The following PDE4A variants were observed in gnomAD, a reference collection of about 807,000 sequenced individuals.
The protein encoded by PDE4A is 3',5'-cyclic-AMP phosphodiesterase 4A.
A neutral mutation model predicts 73.9 loss-of-function variants in PDE4A; 21 were observed. The observed-to-expected ratio is 0.28, with a 90% CI of 0.20 to 0.41. PDE4A has a LOEUF of 0.41. Among genes scored for constraint, PDE4A ranks in the 10% least tolerant of loss-of-function variants. PDE4A has a pLI of 1.00. For missense variants in PDE4A, 958 were observed against 1,211.4 expected (o/e 0.79, Z 3.10); for synonymous variants, 463 against 505.4 (o/e 0.92, Z 1.13).
chr19:10,432,260 C>T (rs2042802873), intron 1 of PDE4A, among the ~76,000 whole-genome samples: 1 of 151,830 alleles, frequency 6.6e-6, no homozygotes, highest in Non-Finnish European at 1.5e-5. Context: ...GCTCCCCTCC[C>T]CCGTGCAGAC....
intron 1 of PDE4A, chr19:10,423,157 CTT>C (rs61513692): frequency 0.045 from 33,408 of 741,246 alleles, 1 homozygote; most frequent in Non-Finnish European, 0.049. Flanking sequence ...AACCCTTTCT[CTT>C]TTTTTTTTTT....
chr19:10,428,190 A>ATTCT (rs2042741856), intron 1 of PDE4A, among the ~76,000 whole-genome samples: 1 of 152,052 alleles, frequency 6.6e-6, no homozygotes, highest in Non-Finnish European at 1.5e-5. Flanking sequence ...CATCTCTAGA[A>ATTCT]AAAGTACAAA....
chr19:10,455,845 A>G (rs56161554), intron 7 of PDE4A, among the ~76,000 whole-genome samples: 2,216 of 152,028 alleles, frequency 0.015, 63 homozygotes, highest in African/African-American at 0.051. Context: ...GAATTTCCAA[A>G]CTTGGATTGA....
In PDE4A at chr19:10,461,858, G is replaced by A; in HGVS notation, c.1621-19G>A. 1 of 1,609,508 alleles carries A rather than the reference G, an allele frequency of 6.2e-7. No homozygotes were observed. The highest frequency in any genetic ancestry group is 8.5e-7 in the Non-Finnish European group (1 of 1,177,822). ...GGGGGCGGGTGTCAGCGGCCCCAGT[G>A]ACGCCCCCTTGCCCGCAGGTGCTGG... On this transcript the variant is annotated intron_variant, in intron 12 of 14. Transcript: ENST00000380702.
upstream of PDE4A, chr19:10,418,847 G>A: frequency 4.1e-6 from 4 of 984,308 alleles, no homozygotes; most frequent in South Asian, 9.4e-5. Context: ...ATGATCTGGG[G>A]AGAACTCACA....
At chr19:10,459,329 A>G (rs1244038863) in intron 8 of PDE4A, 71 bp from the exon 9 acceptor site, 4 of 1,608,484 alleles carry the variant, frequency 2.5e-6, no homozygotes, top group Admixed American at 1.7e-5. Flanking sequence ...CAAGGCTTCA[A>G]ACTCCTAGGA....
intron 1 of PDE4A, among the ~76,000 whole-genome samples, chr19:10,425,027 C>A (rs765123955): frequency 1.6e-4 from 25 of 152,160 alleles, no homozygotes; most frequent in Non-Finnish European, 3.2e-4. Flanking sequence ...AGTTCAAGAT[C>A]ATCCTGGCCA....
At chr19:10,456,673 C>T (rs575880347) in intron 7 of PDE4A, among the ~76,000 whole-genome samples, 17 of 150,912 alleles carry the variant, frequency 1.1e-4, no homozygotes, top group African/African-American at 3.4e-4. Flanking sequence ...GACATGATTG[C>T]GCCACTGCAC....
rs1216975490 is a variant in PDE4A, at chr19:10,453,940, C to G, written c.784-889C>G. 6.6e-6 allele frequency among the ~76,000 whole-genome samples: 1 copy of G among 152,240 alleles called. No homozygotes were observed. The highest frequency in any genetic ancestry group is 1.5e-5 in the Non-Finnish European group (1 of 68,002). ...AAGCCTGGGCCATGCAGGCTCACCC[C>G]TCCTGCCAAGTGTCCCTCCTGCTTC... On this transcript the variant is annotated intron_variant, in intron 6 of 14. Transcript: ENST00000380702. The surrounding 1 kb of genome is among the most constrained non-coding windows in gnomAD (Gnocchi z 4.6).
chr19:10,421,371 A>T (rs1010916672), intron 1 of PDE4A: 1 of 981,944 alleles, frequency 1.0e-6, no homozygotes, highest in Admixed American at 6.2e-5. Context: ...AGGGGTCTGT[A>T]TTCTTGGTGA....
Position 10,467,401 on chromosome 19 carries a change from T to G in PDE4A, c.2441T>G (p.Leu814Arg). 1.2e-6 allele frequency: 2 copies of G among 1,614,096 alleles called. No homozygotes were observed. Among genetic ancestry groups the G allele is most frequent in the Non-Finnish European group, 1.7e-6 (2 of 1,179,982 alleles). The change falls in exon 15 of 15, where the codon CTG (leucine) becomes CGG (arginine). Residue 814 changes from leucine (L) to arginine (R), a missense_variant. Physicochemically the swap from Leu to Arg is moderately radical, Grantham distance 102 (BLOSUM62 -2). Coordinates refer to ENST00000380702, the MANE Select transcript of PDE4A (RefSeq NM_001111307.2). The stretch of plus-strand genomic sequence containing the variant: ...GTAAGCCACAGCAGCCCCTCTGCCC[T>G]GGCTCTTCAAAGCCCCCTTCTCCCT... ...VAVSHSSPSA[L>R]ALQSPLLPAW...
rs201160205 is a variant in PDE4A at position 10,467,722 on chromosome 19, C to G, written c.*101C>G. Reference sequence around the variant, plus strand: ...CTCAAAGACTCTTGTCCTCTTGTCCCTCCTGAGAAAAAAGAAAACGAAAAG... The same window carrying G: ...CTCAAAGACTCTTGTCCTCTTGTCCGTCCTGAGAAAAAAGAAAACGAAAAG... On this transcript the variant is annotated 3_prime_UTR_variant, in exon 15 of 15. Transcript: ENST00000380702. The G allele has an allele frequency of 1.5e-5, 13 of 876,204 alleles. No homozygotes were observed. The highest frequency in any genetic ancestry group is 2.2e-5 in the Non-Finnish European group (13 of 598,864). The allele number at this position is 876,204 out of a possible 1,614,324, so 54.3% of individuals were successfully genotyped here.
Position 10,467,688 on chromosome 19 carries a change from C to T in PDE4A, c.*67C>T, listed in dbSNP as rs1311690999. The stretch of plus-strand genomic sequence containing the variant: ...ACTCCCCTGCTCCCCCGACCACCTC[C>T]TCCTCTGCCTCAAAGACTCTTGTCC... On this transcript the variant is annotated 3_prime_UTR_variant, in exon 15 of 15. Transcript: ENST00000380702. The T allele has an allele frequency of 3.3e-6, 4 of 1,207,824 alleles. No homozygotes were observed. The highest frequency in any genetic ancestry group is 3.0e-5 in the African/African-American group (2 of 65,796). The allele number at this position is 1,207,824 out of a possible 1,614,324, so 74.8% of individuals were successfully genotyped here.
At chr19:10,465,764 G>C (rs1311787839) in intron 14 of PDE4A, among the ~76,000 whole-genome samples, 1 of 116,194 alleles carries the variant, frequency 8.6e-6, no homozygotes, top group African/African-American at 3.4e-5. Context: ...GCAATGGCGC[G>C]ATCTTGGCTC....
Position 10,453,036 on chromosome 19 carries a change from G to T in PDE4A, c.784-1793G>T. ...CCCCACCGCCTCCACCCACTGCCGC[G>T]GGGGGGCCCGTTGGGGCCCAGGGCT... On this transcript the variant is annotated intron_variant, in intron 6 of 14. Coordinates refer to ENST00000380702, the MANE Select transcript of PDE4A (RefSeq NM_001111307.2). This position sits in a 1 kb window ranked among gnomAD's most constrained non-coding sequence, Gnocchi z 4.6. 6 of 1,320,646 alleles carry T rather than the reference G, an allele frequency of 4.5e-6. No individual in the cohort carries two copies. Among genetic ancestry groups the T allele is most frequent in the Middle Eastern group, 5.8e-4 (2 of 3,462 alleles). 81.8% of individuals were successfully genotyped at this position (1,320,646 alleles called of 1,614,324 possible).
Position 10,453,331 on chromosome 19 carries a change from T to C in PDE4A, c.784-1498T>C. 6.2e-7 allele frequency: 1 copy of C among 1,612,572 alleles called. No individual in the cohort carries two copies. Among genetic ancestry groups the C allele is most frequent in the Non-Finnish European group, 8.5e-7 (1 of 1,179,522 alleles). On this transcript the variant is annotated intron_variant, in intron 6 of 14. Transcript: ENST00000380702. This position sits in a 1 kb window ranked among gnomAD's most constrained non-coding sequence, Gnocchi z 4.6. ...TGGCTGGTGGGCTGGTGGGACCAGG[T>C]AGGAGAGTGCAGGGTAGGGGGTGGG...
In PDE4A at chr19:10,420,904, G is replaced by A; in HGVS notation, c.140G>A (p.Gly47Asp). 1 of 1,587,226 alleles carries A rather than the reference G, an allele frequency of 6.3e-7. No individual in the cohort carries two copies. Among genetic ancestry groups the A allele is most frequent in the Non-Finnish European group, 8.5e-7 (1 of 1,175,188 alleles). ...PRTPIRIQQR[G>D]YSDSAERAER... ...ACCCCCATCCGTATCCAGCAGCGCGGCTACTCCGACAGCGCGGAGCGCGCC... is the reference window on the plus strand; with the variant it reads ...ACCCCCATCCGTATCCAGCAGCGCGACTACTCCGACAGCGCGGAGCGCGCC... Residue 47 changes from glycine (G) to aspartate (D), a missense_variant, in exon 1 of 15, where the codon GGC becomes GAC. Around this residue, in one of 3 missense-constraint regions of PDE4A, gnomAD observed 145 missense variants for 137.8 expected, o/e 1.05. Transcript: ENST00000380702. The surrounding 1 kb of genome is among the most constrained non-coding windows in gnomAD (Gnocchi z 6.0).
At chr19:10,431,121 G>T in intron 1 of PDE4A, 2 of 1,416,986 alleles carry the variant, frequency 1.4e-6, no homozygotes, top group Non-Finnish European at 1.9e-6. Context: ...GGTTCAAGTC[G>T]CCCCTGGCCA....
At chr19:10,433,718 G>A (rs555230506) in intron 1 of PDE4A, among the ~76,000 whole-genome samples, 2 of 152,292 alleles carry the variant, frequency 1.3e-5, no homozygotes, top group African/African-American at 2.4e-5. Context: ...CTGGCACTAC[G>A]CGCCTGCCTG....
Sources: allele counts gnomAD v4.1 joint callset (sites outside exome capture counted in the v4.1 genomes callset), GRCh38; gene constraint gnomAD v4.1.1; regional missense constraint gnomAD v4.1.1; non-coding constraint Gnocchi (gnomAD v3.1); transcripts MANE v1.5; gene names NCBI Gene and HGNC (gene_info 2026-07-23, HGNC 2026-07-21).